PTPRT: variants seen among roughly 807,000 people sequenced by gnomAD.
The protein encoded by PTPRT is protein tyrosine phosphatase receptor type T.
In PTPRT, 56 loss-of-function variants were observed where a neutral mutation model predicts 176.8. The ratio of observed to expected loss-of-function variants is 0.32; its 90% CI spans 0.26 to 0.40. The LOEUF (loss-of-function observed/expected upper bound fraction) is 0.40, where lower values mean the gene tolerates loss of function less well. Among genes scored for constraint, PTPRT ranks in the 10% least tolerant of loss-of-function variants. The pLI is 1.00. For synonymous variants in PTPRT, 783 were observed against 739.0 expected (o/e 1.06, Z -0.96); for missense variants, 1,540 against 1,908.2 (o/e 0.81, Z 3.60).
chr20:42,856,176 A>G (rs2078559614), intron 2 of PTPRT, among the ~76,000 whole-genome samples: 2 of 152,346 alleles, frequency 1.3e-5, no homozygotes, highest in South Asian at 4.1e-4. Context: ...GAGACAGATT[A>G]GAGACAAAGC....
intron 1 of PTPRT, among the ~76,000 whole-genome samples, chr20:43,156,763 A>G (rs1418205730): frequency 1.3e-5 from 2 of 152,192 alleles, no homozygotes; most frequent in Non-Finnish European, 2.9e-5. Context: ...TTGATCATCC[A>G]ATGGAAAAAT....
intron 1 of PTPRT, among the ~76,000 whole-genome samples, chr20:42,995,705 G>C (rs951808145): frequency 1.3e-5 from 2 of 152,086 alleles, no homozygotes; most frequent in African/African-American, 4.8e-5. Flanking sequence ...TTTTCCCCCA[G>C]AGAAGAAATC....
chr20:43,128,618 T>G (rs908939086), intron 1 of PTPRT, among the ~76,000 whole-genome samples: 1 of 152,258 alleles, frequency 6.6e-6, no homozygotes, highest in South Asian at 2.1e-4. Context: ...TTTCCTAATA[T>G]CAAGAAGGGA....
intron 18 of PTPRT, among the ~76,000 whole-genome samples, chr20:42,138,741 TC>T (rs1215395451): frequency 3.9e-5 from 6 of 152,200 alleles, no homozygotes; most frequent in Non-Finnish European, 1.5e-5. Context: ...CCCTTTCACT[TC>T]CTTTCCATTT....
At chr20:42,522,386 G>A (rs374003041) in intron 7 of PTPRT, among the ~76,000 whole-genome samples, 1 of 151,108 alleles carries the variant, frequency 6.6e-6, no homozygotes, top group African/African-American at 2.4e-5. Context: ...TGTCTTTAAC[G>A]CTTTCTGAAA....
At chr20:43,092,033 A>G (rs1255049578) in intron 1 of PTPRT, among the ~76,000 whole-genome samples, 1 of 152,258 alleles carries the variant, frequency 6.6e-6, no homozygotes, top group Admixed American at 6.5e-5. Flanking sequence ...TTCTCACTGC[A>G]GAGACATTCA....
At chr20:42,400,664 A>C (rs2058896492) in intron 9 of PTPRT, among the ~76,000 whole-genome samples, 1 of 152,266 alleles carries the variant, frequency 6.6e-6, no homozygotes, top group Non-Finnish European at 1.5e-5. Context: ...CTGGAAGCTC[A>C]TGGTGTATTG....
intron 6 of PTPRT, among the ~76,000 whole-genome samples, chr20:42,725,650 TAA>T (rs1300596348): frequency 6.6e-6 from 1 of 152,028 alleles, no homozygotes; most frequent in Non-Finnish European, 1.5e-5. Flanking sequence ...CTTGGTGATT[TAA>T]AAAGTCAAGA....
chr20:42,139,625 TG>T (rs1391331821), intron 18 of PTPRT, among the ~76,000 whole-genome samples: 2 of 152,252 alleles, frequency 1.3e-5, no homozygotes, highest in African/African-American at 4.8e-5. Flanking sequence ...TGCCTGTGCC[TG>T]GGCAGGGGAT....
intron 9 of PTPRT, among the ~76,000 whole-genome samples, chr20:42,407,011 T>C (rs1160869839): frequency 6.6e-6 from 1 of 152,184 alleles, no homozygotes; most frequent in Non-Finnish European, 1.5e-5. Context: ...GTAGAGGGGA[T>C]GAGATCCTAC....
At chr20:42,273,686 C>T (rs2056979197) in intron 13 of PTPRT, among the ~76,000 whole-genome samples, 1 of 152,234 alleles carries the variant, frequency 6.6e-6, no homozygotes, top group African/African-American at 2.4e-5. Context: ...TAAATGCTTA[C>T]TGAAAAGTAA....
chr20:42,439,092 T>C (rs1182653559), intron 9 of PTPRT, among the ~76,000 whole-genome samples: 2 of 152,210 alleles, frequency 1.3e-5, no homozygotes, highest in African/African-American at 2.4e-5. Context: ...ATGACCTGTA[T>C]ATGGCATCTA....
intron 7 of PTPRT, among the ~76,000 whole-genome samples, chr20:42,650,878 T>C (rs1042092604): frequency 2.0e-5 from 3 of 152,124 alleles, no homozygotes; most frequent in African/African-American, 7.2e-5. Flanking sequence ...GGATCTTATG[T>C]GTTCACAGTG....
intron 2 of PTPRT, among the ~76,000 whole-genome samples, chr20:42,870,239 A>G (rs1438476474): frequency 6.6e-6 from 1 of 152,208 alleles, no homozygotes; most frequent in Admixed American, 6.5e-5. Flanking sequence ...GATACATCAC[A>G]TAAGTACAAT....
At chr20:42,378,508 A>C (rs1164859014) in intron 9 of PTPRT, among the ~76,000 whole-genome samples, 1 of 152,116 alleles carries the variant, frequency 6.6e-6, no homozygotes, top group African/African-American at 2.4e-5. Context: ...TCCCCACTAG[A>C]CCGAGTTCTC....
chr20:43,104,496 C>T (rs1437684239), intron 1 of PTPRT, among the ~76,000 whole-genome samples: 2 of 152,152 alleles, frequency 1.3e-5, no homozygotes, highest in African/African-American at 4.8e-5. Flanking sequence ...AGCTATTTAA[C>T]CCCCCTGAAA....
At chr20:42,486,071 T>C (rs2071459259) in intron 7 of PTPRT, among the ~76,000 whole-genome samples, 1 of 152,170 alleles carries the variant, frequency 6.6e-6, no homozygotes, top group African/African-American at 2.4e-5. Context: ...CTTGCCTCAC[T>C]CACTTGCGAA....
At chr20:42,207,332 T>C (rs2055498389) in intron 15 of PTPRT, among the ~76,000 whole-genome samples, 1 of 150,252 alleles carries the variant, frequency 6.7e-6, no homozygotes, top group Non-Finnish European at 1.5e-5. Flanking sequence ...CTTCAGACGA[T>C]CAAATTACTC....
intron 7 of PTPRT, among the ~76,000 whole-genome samples, chr20:42,660,153 C>T (rs2075198000): frequency 1.3e-5 from 2 of 152,170 alleles, no homozygotes; most frequent in African/African-American, 2.4e-5. Flanking sequence ...GCAGGTGGTG[C>T]TGGCCACGTG....
Sources: allele counts gnomAD v4.1 joint callset (sites outside exome capture counted in the v4.1 genomes callset), GRCh38; gene constraint gnomAD v4.1.1; transcripts MANE v1.5; gene names NCBI Gene and HGNC (gene_info 2026-07-23, HGNC 2026-07-21).